INPP4B: variants seen among roughly 807,000 people sequenced by gnomAD.
INPP4B encodes the protein inositol polyphosphate-4-phosphatase type II B, also known as inositol polyphosphate 4-phosphatase type II.
In INPP4B, 55 loss-of-function variants were observed where a neutral mutation model predicts 122.5. The ratio of observed to expected loss-of-function variants is 0.45; its 90% CI spans 0.36 to 0.56. The LOEUF (loss-of-function observed/expected upper bound fraction) is 0.56, where lower values mean the gene tolerates loss of function less well. Ranked by LOEUF, INPP4B falls within the 20% of genes least tolerant of loss-of-function variation. The probability of loss-of-function intolerance (pLI) is 0.00; values close to 1 mark genes in which losing one functional copy is unlikely to be tolerated. For synonymous variants in INPP4B, 403 were observed against 388.7 expected (o/e 1.04, Z -0.43); for missense variants, 1,000 against 1,097.7 (o/e 0.91, Z 1.26).
At chr4:142,667,300 C>A (rs531431867) in intron 2 of INPP4B, among the ~76,000 whole-genome samples, 2 of 152,298 alleles carry the variant, frequency 1.3e-5, no homozygotes, top group East Asian at 3.9e-4. Flanking sequence ...TCCCTATAAT[C>A]TTGACCCAGT....
At chr4:142,427,657 A>C (rs763150793) in intron 5 of INPP4B, among the ~76,000 whole-genome samples, 2 of 152,036 alleles carry the variant, frequency 1.3e-5, no homozygotes, top group Non-Finnish European at 2.9e-5. Context: ...TTGCCACCCT[A>C]ATTGCTTCTG....
At chr4:142,334,222 T>C (rs1281413284) in intron 7 of INPP4B, among the ~76,000 whole-genome samples, 3 of 152,228 alleles carry the variant, frequency 2.0e-5, no homozygotes, top group Non-Finnish European at 4.4e-5. Flanking sequence ...TTTCACCATA[T>C]ATATGTATAC....
chr4:142,424,679 T>TA (rs1175886785), intron 5 of INPP4B, among the ~76,000 whole-genome samples: 1 of 152,104 alleles, frequency 6.6e-6, no homozygotes, highest in African/African-American at 2.4e-5. Flanking sequence ...TGTTTCACTC[T>TA]AAAAATTAAA....
chr4:142,292,395 G>A (rs1168771929), intron 9 of INPP4B, among the ~76,000 whole-genome samples: 4 of 152,080 alleles, frequency 2.6e-5, no homozygotes, highest in Non-Finnish European at 4.4e-5. Context: ...AGAAGCAAAC[G>A]TCAATAGCCA....
intron 7 of INPP4B, among the ~76,000 whole-genome samples, chr4:142,336,580 G>C (rs182162251): frequency 2.8e-4 from 43 of 152,388 alleles, no homozygotes; most frequent in African/African-American, 9.1e-4. Flanking sequence ...GGGAAGAAGA[G>C]AGAGAAATAA....
chr4:142,139,288 T>A (rs1579048151), intron 18 of INPP4B, among the ~76,000 whole-genome samples: 1 of 151,330 alleles, frequency 6.6e-6, no homozygotes, highest in East Asian at 1.9e-4. Flanking sequence ...AATTTGTGAG[T>A]TGTTCTAGTC....
chr4:142,587,553 G>T (rs1399232114), intron 2 of INPP4B, among the ~76,000 whole-genome samples: 1 of 152,018 alleles, frequency 6.6e-6, no homozygotes, highest in African/African-American at 2.4e-5. Flanking sequence ...AAATTTTTGT[G>T]AGTAAATAGT....
intron 2 of INPP4B, chr4:142,496,895 G>A (rs1214025326): frequency 6.6e-6 from 1 of 151,194 alleles, no homozygotes; most frequent in East Asian, 2.0e-4. Context: ...TAGGACTAAT[G>A]TAGATTCACT....
At chr4:142,188,486 C>CAA (rs869298815) in intron 15 of INPP4B, among the ~76,000 whole-genome samples, 1 of 9,486 alleles carries the variant, frequency 1.1e-4, no homozygotes, top group Admixed American at 1.2e-3. Flanking sequence ...GACTCCATCT[C>CAA]AAAAAAAAAA....
At chr4:142,105,164 T>C (rs996430691) in intron 23 of INPP4B, among the ~76,000 whole-genome samples, 2 of 152,170 alleles carry the variant, frequency 1.3e-5, no homozygotes, top group African/African-American at 2.4e-5. Flanking sequence ...CTTCCACTAA[T>C]GGTCTTTCTA....
chr4:142,775,825 C>T (rs1240180175), intron 1 of INPP4B, among the ~76,000 whole-genome samples: 1 of 152,040 alleles, frequency 6.6e-6, no homozygotes, highest in East Asian at 1.9e-4. Flanking sequence ...CATTATTAAG[C>T]ATGATGTTTA....
chr4:142,124,549 C>G, intron 19 of INPP4B, 39 bp downstream of exon 19: 1 of 1,553,226 alleles, frequency 6.4e-7, no homozygotes, highest in Non-Finnish European at 8.9e-7. Context: ...GTTAACAATC[C>G]GGCATTGTTT....
At chr4:142,441,141 G>T (rs981799623) in intron 3 of INPP4B, among the ~76,000 whole-genome samples, 2 of 152,146 alleles carry the variant, frequency 1.3e-5, no homozygotes, top group African/African-American at 4.8e-5. Flanking sequence ...ATGATCATAC[G>T]TGAATTTTAG....
chr4:142,663,507 A>G (rs1755546922), intron 2 of INPP4B, among the ~76,000 whole-genome samples: 1 of 152,086 alleles, frequency 6.6e-6, no homozygotes, highest in Non-Finnish European at 1.5e-5. Flanking sequence ...CATCTTTAAG[A>G]ACTGTCTAAG....
intron 1 of INPP4B, among the ~76,000 whole-genome samples, chr4:142,785,543 T>C (rs1775639012): frequency 6.6e-6 from 1 of 152,108 alleles, no homozygotes; most frequent in South Asian, 2.1e-4. Flanking sequence ...AAATTAAGAA[T>C]GCTCTTGATG....
chr4:142,590,491 A>G (rs1737192606), intron 2 of INPP4B, among the ~76,000 whole-genome samples: 1 of 152,150 alleles, frequency 6.6e-6, no homozygotes, highest in African/African-American at 2.4e-5. Flanking sequence ...GTTTAGGTTA[A>G]CAATTCCAAT....
intron 25 of INPP4B, among the ~76,000 whole-genome samples, chr4:142,056,407 C>A (rs1263418382): frequency 2.6e-5 from 4 of 152,112 alleles, no homozygotes; most frequent in South Asian, 4.1e-4. Flanking sequence ...ATAAGATATT[C>A]AGTTGTCTCC....
chr4:142,665,049 C>T (rs1167585766), intron 2 of INPP4B, among the ~76,000 whole-genome samples: 3 of 152,288 alleles, frequency 2.0e-5, no homozygotes, highest in African/African-American at 4.8e-5. Context: ...TATATCTAAA[C>T]ATATCTAAAC....
chr4:142,640,671 G>T (rs184870129), intron 2 of INPP4B, among the ~76,000 whole-genome samples: 14 of 151,918 alleles, frequency 9.2e-5, no homozygotes, highest in Admixed American at 4.6e-4. Context: ...AAAGAGGCAA[G>T]TCAGAAAGCT....
Sources: gnomAD v4.1 joint callset for allele counts (sites outside exome capture counted in the v4.1 genomes callset) on GRCh38, gnomAD v4.1.1 for gene constraint, MANE v1.5 for transcripts, NCBI Gene and HGNC (gene_info 2026-07-23, HGNC 2026-07-21) for gene names.